Variants in HEG1 observed in about 807,000 individuals in gnomAD.
The protein encoded by HEG1 is heart development protein with EGF like domains 1.
HEG1 carries 56 observed loss-of-function variants against 125.6 expected under a neutral mutation model. The observed-to-expected ratio is 0.45, with a 90% CI of 0.36 to 0.56. HEG1 has a LOEUF of 0.56. Ranked by LOEUF, HEG1 falls within the 20% of genes least tolerant of loss-of-function variation. The probability of loss-of-function intolerance (pLI) is 0.00; values close to 1 mark genes in which losing one functional copy is unlikely to be tolerated. For synonymous variants in HEG1, 644 were observed against 668.5 expected, an observed-to-expected ratio of 0.96 and a Z score of 0.57; for missense variants, 1,523 against 1,670.0, an observed-to-expected ratio of 0.91 and a Z score of 1.53.
chr3:125,007,198 C>CA (rs1212172102), intron 8 of HEG1, among the ~76,000 whole-genome samples: 8,363 of 53,166 alleles, frequency 0.16, 764 homozygotes, highest in African/African-American at 0.3. Context: ...GACTCCGTCT[C>CA]AAAAAAAAAA....
chr3:125,043,899 C>T (rs1044724871), intron 1 of HEG1, among the ~76,000 whole-genome samples: 1 of 151,554 alleles, frequency 6.6e-6, no homozygotes, highest in Admixed American at 6.6e-5. Flanking sequence ...GCAGGAGGGG[C>T]GGGAGGAAAC....
intron 3 of HEG1, among the ~76,000 whole-genome samples, chr3:125,023,244 A>C (rs1405865878): frequency 6.6e-6 from 1 of 151,178 alleles, no homozygotes; most frequent in African/African-American, 2.4e-5. Context: ...AAACCAAAAA[A>C]ACTCCAGTGG....
At chr3:125,031,673 A>G (rs898100338) in intron 1 of HEG1, among the ~76,000 whole-genome samples, 6 of 122,000 alleles carry the variant, frequency 4.9e-5, no homozygotes, top group African/African-American at 1.5e-4. Flanking sequence ...ACACACACAT[A>G]CATACATACA....
At chr3:124,988,458 C>T (rs540399920) in intron 14 of HEG1, among the ~76,000 whole-genome samples, 1 of 152,086 alleles carries the variant, frequency 6.6e-6, no homozygotes, top group Non-Finnish European at 1.5e-5. Flanking sequence ...AACTTCCTTG[C>T]CTTATTAAAC....
chr3:125,002,453 T>C (rs1363868027), intron 9 of HEG1, 138 bp from the exon 10 acceptor site: 8 of 685,132 alleles, frequency 1.2e-5, no homozygotes, highest in Non-Finnish European at 1.7e-5. Context: ...ACAGAAGTGG[T>C]GTCCTTTTTT....
intron 11 of HEG1, among the ~76,000 whole-genome samples, chr3:125,001,259 G>A (rs1936994746): frequency 6.6e-6 from 1 of 150,550 alleles, no homozygotes; most frequent in Non-Finnish European, 1.5e-5. Flanking sequence ...ACCTAATAAT[G>A]TATCATGATG....
intron 1 of HEG1, among the ~76,000 whole-genome samples, chr3:125,032,137 C>A (rs62268969): frequency 0.011 from 1,613 of 152,264 alleles, 10 homozygotes; most frequent in Non-Finnish European, 0.016. Flanking sequence ...CATAGCCACA[C>A]GTGGCTGGTG....
chr3:125,018,598 C>A (rs1222007346), intron 5 of HEG1, among the ~76,000 whole-genome samples: 5 of 152,166 alleles, frequency 3.3e-5, no homozygotes, highest in Non-Finnish European at 7.3e-5. Flanking sequence ...CAACTACTAA[C>A]GAGAAGGTGA....
intron 6 of HEG1, among the ~76,000 whole-genome samples, chr3:125,010,990 C>T (rs567348980): frequency 1.4e-4 from 22 of 152,326 alleles, no homozygotes; most frequent in African/African-American, 3.6e-4. Flanking sequence ...TCTGTGCACA[C>T]GTGCCCTGCC....
chr3:125,045,419 G>A (rs942331529), intron 1 of HEG1, among the ~76,000 whole-genome samples: 3 of 152,180 alleles, frequency 2.0e-5, no homozygotes, highest in South Asian at 4.2e-4. Context: ...TTATTCTCTC[G>A]CAATCCTAGG....
intron 14 of HEG1, among the ~76,000 whole-genome samples, chr3:124,979,052 C>T (rs772202740): frequency 5.9e-5 from 9 of 151,800 alleles, no homozygotes; most frequent in South Asian, 2.1e-4. Flanking sequence ...TGGGTTCAAG[C>T]GATTCTTCTG....
rs1936404536 is a variant in HEG1, at chr3:124,970,498, T to C, written c.*154A>G. On this transcript the variant is annotated 3_prime_UTR_variant, in exon 17 of 17. Coordinates refer to ENST00000311127, the MANE Select transcript of HEG1 (RefSeq NM_020733.2). The stretch of plus-strand genomic sequence containing the variant: ...TGTGGTTCCACATCCACCTGTCTCC[T>C]CCACTGTGGTCACGCCCCGCATGCC... 1 of 624,810 alleles carries C rather than the reference T, an allele frequency of 1.6e-6. No homozygotes were observed. The highest frequency in any genetic ancestry group is 2.8e-6 in the Non-Finnish European group (1 of 358,564). 38.7% of individuals were successfully genotyped at this position (624,810 alleles called of 1,614,324 possible).
At chr3:125,004,714 T>C (rs1208583883) in intron 9 of HEG1, among the ~76,000 whole-genome samples, 1 of 143,850 alleles carries the variant, frequency 7.0e-6, no homozygotes, top group African/African-American at 2.8e-5. Context: ...GGCATTTTTC[T>C]TTAAAAAAAA....
chr3:125,024,148 T>C (rs1937379980), intron 3 of HEG1, among the ~76,000 whole-genome samples: 1 of 152,232 alleles, frequency 6.6e-6, no homozygotes, highest in East Asian at 1.9e-4. Context: ...TGAGAATCTA[T>C]ATAAAATATC....
chr3:125,024,535 TAGA>T (rs1937388102), intron 3 of HEG1, among the ~76,000 whole-genome samples: 1 of 152,202 alleles, frequency 6.6e-6, no homozygotes, highest in African/African-American at 2.4e-5. Flanking sequence ...ATGGAACACA[TAGA>T]AGGACATAAA....
At chr3:125,009,904 A>C in intron 7 of HEG1, 80 bp from the exon 8 acceptor site, 2 of 1,444,362 alleles carry the variant, frequency 1.4e-6, no homozygotes, top group Non-Finnish European at 1.9e-6. Context: ...AGTACTTACT[A>C]AGGGCCAAAT....
At chr3:124,981,348 C>T (rs1936649226) in intron 14 of HEG1, among the ~76,000 whole-genome samples, 1 of 151,114 alleles carries the variant, frequency 6.6e-6, no homozygotes, top group Non-Finnish European at 1.5e-5. Flanking sequence ...TTGGATGTCA[C>T]AGTTATGTCA....
chr3:125,010,330 T>G, intron 7 of HEG1, 109 bp downstream of exon 7: 2 of 633,278 alleles, frequency 3.2e-6, no homozygotes, highest in South Asian at 2.1e-5. Context: ...GTAAGCAGGG[T>G]ATTAACTAAA....
At chr3:125,024,264 G>T (rs1937383387) in intron 3 of HEG1, among the ~76,000 whole-genome samples, 2 of 152,062 alleles carry the variant, frequency 1.3e-5, no homozygotes, top group African/African-American at 4.8e-5. Context: ...AAAATGTACT[G>T]CCCCCAAACA....
Sources: allele counts gnomAD v4.1 joint callset (sites outside exome capture counted in the v4.1 genomes callset), GRCh38; gene constraint gnomAD v4.1.1; transcripts MANE v1.5; gene names NCBI Gene and HGNC (gene_info 2026-07-23, HGNC 2026-07-21).